ARL5B: variants seen among roughly 807,000 people sequenced by gnomAD.
ARL5B encodes ADP-ribosylation factor-like protein 5B.
In ARL5B, 10 loss-of-function variants were observed where a neutral mutation model predicts 26.9. That is an observed-to-expected ratio of 0.37 (90% CI 0.23 to 0.63). ARL5B has a LOEUF of 0.63. Ranked by LOEUF, ARL5B falls within the 30% of genes least tolerant of loss-of-function variation. The pLI is 0.62. For missense variants in ARL5B, 167 were observed against 213.9 expected, an observed-to-expected ratio of 0.78 and a Z score of 1.37; for synonymous variants, 87 against 70.4, an observed-to-expected ratio of 1.24 and a Z score of -1.18.
chr10:18,661,056 G>A (rs1039580056), intron 1 of ARL5B, among the ~76,000 whole-genome samples: 13 of 152,060 alleles, frequency 8.5e-5, no homozygotes, highest in Non-Finnish European at 1.6e-4. Context: ...GCCATGTTGG[G>A]CAGGCTGGTC....
Position 18,678,371 on chromosome 10 carries a change from T to C in ARL5B, c.*3155T>C, listed in dbSNP as rs184263723. 1 of 151,978 alleles carries C rather than the reference T, an allele frequency of 6.6e-6. No individual in the cohort carries two copies. The highest frequency in any genetic ancestry group is 1.5e-5 in the Non-Finnish European group (1 of 67,772). The allele number at this position is 151,978 out of a possible 1,614,324, so 9.4% of individuals were successfully genotyped here. On this transcript the variant is annotated 3_prime_UTR_variant, in exon 6 of 6. Coordinates refer to ENST00000377275, the MANE Select transcript of ARL5B (RefSeq NM_178815.5). ...TTGATTAAGCATAATTTAACTTTCA[T>C]TATAGCATAAAGAGAAAATAATTAT...
intron 3 of ARL5B, 65 bp downstream of exon 3, chr10:18,668,742 G>A: frequency 6.6e-7 from 1 of 1,511,030 alleles, no homozygotes; most frequent in Non-Finnish European, 8.9e-7. Flanking sequence ...AAAGTAATTA[G>A]GCTGCACCTG....
chr10:18,666,754 TG>T, intron 2 of ARL5B, 119 bp downstream of exon 2: 1 of 856,264 alleles, frequency 1.2e-6, no homozygotes, highest in Non-Finnish European at 1.7e-6. Context: ...TTTTGTTTTT[TG>T]TTTTTTTAAT....
At chr10:18,675,051 A>C (rs943009553) in intron 5 of ARL5B, 117 bp from the exon 6 acceptor site, 17 of 767,976 alleles carry the variant, frequency 2.2e-5, no homozygotes, top group Non-Finnish European at 2.1e-6. Flanking sequence ...GTTGACACTG[A>C]TGTATATAAA....
At position 18,666,655 on chromosome 10, in the gene ARL5B, A is replaced by G. The variant is rs759591183; in HGVS notation, c.107+20A>G. Reference sequence around the variant, plus strand: ...CCAATTGTAAGTATGGGTGTTTATTAAACAGTTTTCACTAGTTATTGAAAC... The same window carrying G: ...CCAATTGTAAGTATGGGTGTTTATTGAACAGTTTTCACTAGTTATTGAAAC... On this transcript the variant is annotated intron_variant, in intron 2 of 5. Transcript: ENST00000377275. The G allele has an allele frequency of 2.5e-6, 4 of 1,585,046 alleles. No homozygotes were observed. The highest frequency in any genetic ancestry group is 2.3e-5 in the East Asian group (1 of 44,358).
rs548547783 is a variant in ARL5B, at chr10:18,661,332, G to A, written c.46+1649G>A. Among the ~76,000 whole-genome samples, 4 of 151,736 alleles carry A rather than the reference G, an allele frequency of 2.6e-5. No homozygotes were observed. In the South Asian group the frequency reaches 6.2e-4, roughly 24 times the overall value. On this transcript the variant is annotated intron_variant, in intron 1 of 5. Coordinates refer to ENST00000377275, the MANE Select transcript of ARL5B (RefSeq NM_178815.5). ...GGCTGCTGTCTTGTCTTTTTTCGTTGGAGGTGTCCTTACTCAGACTAGAGG... is the reference window on the plus strand; with the variant it reads ...GGCTGCTGTCTTGTCTTTTTTCGTTAGAGGTGTCCTTACTCAGACTAGAGG...
chr10:18,675,452 A>G lies in ARL5B; in HGVS notation c.*236A>G. On this transcript the variant is annotated 3_prime_UTR_variant, in exon 6 of 6. Transcript: ENST00000377275. ...AATGTATAACTATGTTTTCAGCAACAATTCTTCTGTTTATTCTAATTAATC... is the reference window on the plus strand; with the variant it reads ...AATGTATAACTATGTTTTCAGCAACGATTCTTCTGTTTATTCTAATTAATC... 1 of 462,632 alleles carries G rather than the reference A, an allele frequency of 2.2e-6. No individual in the cohort carries two copies. Among genetic ancestry groups the G allele is most frequent in the Non-Finnish European group, 3.9e-6 (1 of 255,950 alleles). The allele number at this position is 462,632 out of a possible 1,614,324, so 28.7% of individuals were successfully genotyped here. A position where few individuals can be genotyped will look rare whatever the true frequency, so the allele number is the denominator to read the frequency against.
At chr10:18,668,816 C>T in intron 3 of ARL5B, 139 bp downstream of exon 3, 1 of 918,978 alleles carries the variant, frequency 1.1e-6, no homozygotes, top group African/African-American at 1.9e-5. Context: ...TGTCGCCAGG[C>T]TAGAGTGCAG....
rs2059929713 is a variant in ARL5B at position 18,680,998 on chromosome 10, G to A, written c.*5782G>A. 6.6e-6 allele frequency: 1 copy of A among 152,084 alleles called. No homozygotes were observed. Among genetic ancestry groups the A allele is most frequent in the African/African-American group, 2.4e-5 (1 of 41,402 alleles). The allele number at this position is 152,084 out of a possible 1,614,324, so 9.4% of individuals were successfully genotyped here. A position where few individuals can be genotyped will look rare whatever the true frequency, so the allele number is the denominator to read the frequency against. ...AAAGTGTCTATATTCATATATATGT[G>A]CATTTCTTAAGATTTAAATACAAAC... On this transcript the variant is annotated 3_prime_UTR_variant, in exon 6 of 6. Transcript: ENST00000377275.
At chr10:18,669,251 A>G (rs761445599) in intron 3 of ARL5B, among the ~76,000 whole-genome samples, 59 of 152,166 alleles carry the variant, frequency 3.9e-4, no homozygotes, top group Non-Finnish European at 7.8e-4. Flanking sequence ...CTCTCCATTC[A>G]TCTTCACAAG....
At chr10:18,674,203 G>A in intron 5 of ARL5B, 68 bp downstream of exon 5, 2 of 1,454,658 alleles carry the variant, frequency 1.4e-6, no homozygotes, top group Non-Finnish European at 1.9e-6. Context: ...AGGCCAACTT[G>A]TTTTCTTCAT....
In ARL5B at chr10:18,679,178, GC is replaced by G. The variant is rs1242584328; in HGVS notation, c.*3963del. 2 of 151,742 alleles carry G rather than the reference GC, an allele frequency of 1.3e-5. No homozygotes were observed. The highest frequency in any genetic ancestry group is 3.0e-5 in the Non-Finnish European group (2 of 67,784). 9.4% of individuals were successfully genotyped at this position (151,742 alleles called of 1,614,324 possible). ...CTGAATAGAAATAGCTAATGACAAT[GC>G]AAAAGAGAAAACAAGCCATATTGCT... On this transcript the variant is annotated 3_prime_UTR_variant, in exon 6 of 6. Transcript: ENST00000377275.
At chr10:18,662,259 G>A (rs1319487141) in intron 1 of ARL5B, among the ~76,000 whole-genome samples, 2 of 152,216 alleles carry the variant, frequency 1.3e-5, no homozygotes, top group East Asian at 1.9e-4. Flanking sequence ...AAGAACTACT[G>A]ATCTTACTTT....
chr10:18,667,331 T>G (rs1211698567), intron 2 of ARL5B, among the ~76,000 whole-genome samples: 1 of 152,212 alleles, frequency 6.6e-6, no homozygotes, highest in Non-Finnish European at 1.5e-5. Flanking sequence ...CAGAAGTACT[T>G]CATTAGCCAG....
At chr10:18,665,299 C>T (rs1018002721) in intron 1 of ARL5B, among the ~76,000 whole-genome samples, 4 of 152,178 alleles carry the variant, frequency 2.6e-5, no homozygotes, top group African/African-American at 9.7e-5. Context: ...TGCCCCTGCA[C>T]TCCAGCCTGG....
chr10:18,664,597 C>G (rs1446788103), intron 1 of ARL5B, among the ~76,000 whole-genome samples: 1 of 151,694 alleles, frequency 6.6e-6, no homozygotes, highest in Non-Finnish European at 1.5e-5. Flanking sequence ...GCCACCATGC[C>G]CGGCTAATTT....
intron 2 of ARL5B, among the ~76,000 whole-genome samples, chr10:18,667,033 A>G (rs2059864453): frequency 6.6e-6 from 1 of 151,902 alleles, no homozygotes; most frequent in Non-Finnish European, 1.5e-5. Flanking sequence ...CAGACTTGTC[A>G]AAAGAAATGT....
chr10:18,662,868 A>G (rs550841120), intron 1 of ARL5B, among the ~76,000 whole-genome samples: 2 of 150,400 alleles, frequency 1.3e-5, no homozygotes, highest in Non-Finnish European at 3.0e-5. Context: ...CACTCCGGCT[A>G]ATTTTTGTAT....
chr10:18,669,518 TATATTC>T (rs2059877039), intron 3 of ARL5B, among the ~76,000 whole-genome samples: 1 of 152,220 alleles, frequency 6.6e-6, no homozygotes, highest in South Asian at 2.1e-4. Context: ...CAAACCTGGA[TATATTC>T]ATGTTCTATT....
Sources: gnomAD v4.1 joint callset for allele counts (sites outside exome capture counted in the v4.1 genomes callset) on GRCh38, gnomAD v4.1.1 for gene constraint, MANE v1.5 for transcripts, NCBI Gene and HGNC (gene_info 2026-07-23, HGNC 2026-07-21) for gene names.